AGAP1: variants seen among roughly 807,000 people sequenced by gnomAD.
AGAP1 encodes ArfGAP with GTPase domain, ankyrin repeat and PH domain 1.
A neutral mutation model predicts 105.3 loss-of-function variants in AGAP1; 29 were observed. The ratio of observed to expected loss-of-function variants is 0.28; its 90% CI spans 0.21 to 0.38. The LOEUF (loss-of-function observed/expected upper bound fraction) is 0.38, where lower values mean the gene tolerates loss of function less well. AGAP1 is among the 10% of genes least tolerant of loss of function. The pLI, the probability that AGAP1 is intolerant of heterozygous loss-of-function variation, is 1.00. For synonymous variants in AGAP1, 509 were observed against 485.9 expected, an observed-to-expected ratio of 1.05 and a Z score of -0.63; for missense variants, 998 against 1,165.1, an observed-to-expected ratio of 0.86 and a Z score of 2.09.
chr2:235,830,594 G>T lies in AGAP1; in HGVS notation c.1050+23263G>T, dbSNP rs1439772596. On this transcript the variant is annotated intron_variant, in intron 9 of 17. Coordinates refer to ENST00000304032, the MANE Select transcript of AGAP1 (RefSeq NM_001037131.3). This position sits in a 1 kb window ranked among gnomAD's most constrained non-coding sequence, Gnocchi z 5.5. ...GCACTCTTTGTGAGATACTTTGGGGGCTCAGGGGGCTTGGAGTTTATTTGT... is the reference window on the plus strand; with the variant it reads ...GCACTCTTTGTGAGATACTTTGGGGTCTCAGGGGGCTTGGAGTTTATTTGT... 6.6e-6 allele frequency among the ~76,000 whole-genome samples: 1 copy of T among 150,440 alleles called. No individual in the cohort carries two copies. The highest frequency in any genetic ancestry group is 2.5e-5 in the African/African-American group (1 of 40,774).
Position 235,689,729 on chromosome 2 carries a change from G to A in AGAP1, c.164-19450G>A, listed in dbSNP as rs565786795. Among the ~76,000 whole-genome samples, 4 of 152,326 alleles carry A rather than the reference G, an allele frequency of 2.6e-5. No individual in the cohort carries two copies. Among genetic ancestry groups the A allele is most frequent in the Admixed American group, 2.6e-4 (4 of 15,304 alleles). ...CACTTTTCAGGACAGTCATAGAGCT[G>A]CACTGTTGGTAAACTGTCCTGCATG... is the stretch of plus-strand genomic sequence containing the variant. On this transcript the variant is annotated intron_variant, in intron 1 of 17. Transcript: ENST00000304032. The surrounding 1 kb of genome is among the most constrained non-coding windows in gnomAD (Gnocchi z 4.2).
At chr2:235,870,640 A>T (rs533204886) in intron 9 of AGAP1, among the ~76,000 whole-genome samples, 2 of 152,130 alleles carry the variant, frequency 1.3e-5, no homozygotes, top group East Asian at 3.9e-4. Flanking sequence ...AAAAAAAAAA[A>T]TGATGGAGAG....
At chr2:236,106,433 T>G (rs996036492) in intron 16 of AGAP1, among the ~76,000 whole-genome samples, 1 of 152,226 alleles carries the variant, frequency 6.6e-6, no homozygotes, top group Non-Finnish European at 1.5e-5. Flanking sequence ...GGCGGGCACC[T>G]GTGTGCCACC....
intron 1 of AGAP1, among the ~76,000 whole-genome samples, chr2:235,698,943 G>T (rs1950126168): frequency 6.6e-6 from 1 of 152,200 alleles, no homozygotes; most frequent in African/African-American, 2.4e-5. Context: ...TTTTTAGCAA[G>T]CTCCTGAAGG....
rs115869782 is a variant in AGAP1, at chr2:235,959,041, C to T, written c.1484-9421C>T. 8.8e-3 allele frequency among the ~76,000 whole-genome samples: 1,347 copies of T among 152,290 alleles called. 22 individuals are homozygous for T. Among genetic ancestry groups the T allele is most frequent in the African/African-American group, 0.031 (1,268 of 41,560 alleles). ...GTGCCGGCCCATCCCGGCTCAGCGC[C>T]GCGCAGCTCGGGACCCCAGTCCCTC... On this transcript the variant is annotated intron_variant, in intron 12 of 17. Coordinates refer to ENST00000304032, the MANE Select transcript of AGAP1 (RefSeq NM_001037131.3). The surrounding 1 kb of genome is among the most constrained non-coding windows in gnomAD (Gnocchi z 7.3).
rs1464331473 is a variant in AGAP1, at chr2:236,002,784, G to T, written c.1646-33777G>T. Reference sequence around the variant, plus strand: ...GTTTCAGAAGTCCAATTCATTATTAGATTTCTATAAATATAAATATTTATA... The same window carrying T: ...GTTTCAGAAGTCCAATTCATTATTATATTTCTATAAATATAAATATTTATA... On this transcript the variant is annotated intron_variant, in intron 13 of 17. Coordinates refer to ENST00000304032, the MANE Select transcript of AGAP1 (RefSeq NM_001037131.3). The surrounding 1 kb of genome is among the most constrained non-coding windows in gnomAD (Gnocchi z 4.3). Among the ~76,000 whole-genome samples the T allele has an allele frequency of 6.6e-6, 1 of 152,080 alleles. No homozygotes were observed. The highest frequency in any genetic ancestry group is 2.4e-5 in the African/African-American group (1 of 41,414).
intron 2 of AGAP1, among the ~76,000 whole-genome samples, chr2:235,717,029 C>T (rs1175030007): frequency 2.0e-5 from 3 of 152,064 alleles, no homozygotes; most frequent in Non-Finnish European, 4.4e-5. Context: ...CCTGTGTGGC[C>T]GGCCCCTGCC....
rs1365483775 is a variant in AGAP1 at position 235,799,797 on chromosome 2, A to G, written c.957+275A>G. On this transcript the variant is annotated intron_variant, in intron 8 of 17. Transcript: ENST00000304032. The surrounding 1 kb of genome is among the most constrained non-coding windows in gnomAD (Gnocchi z 5.0). The stretch of plus-strand genomic sequence containing the variant: ...AAGGCACTTGTTATCCTGTGGCTCC[A>G]GCTAAAGATGTGTCACAGTGGATAC... Among the ~76,000 whole-genome samples the G allele has an allele frequency of 5.9e-5, 9 of 152,224 alleles. No homozygotes were observed. The highest frequency in any genetic ancestry group is 1.2e-4 in the Non-Finnish European group (8 of 68,042).
At position 235,799,515 on chromosome 2, in the gene AGAP1, T is replaced by C. The variant is rs1287106476; in HGVS notation, c.950T>C (p.Leu317Pro). The C allele has an allele frequency of 3.1e-6, 5 of 1,613,950 alleles. No individual in the cohort carries two copies. The highest frequency in any genetic ancestry group is 4.2e-6 in the Non-Finnish European group (5 of 1,179,838). Residue 317 changes from leucine (L) to proline (P), a missense_variant, in exon 8 of 18, where the codon CTG (leucine) becomes CCG (proline). Coordinates refer to ENST00000304032, the MANE Select transcript of AGAP1 (RefSeq NM_001037131.3). This position sits in a 1 kb window ranked among gnomAD's most constrained non-coding sequence, Gnocchi z 5.0. Reference sequence around the variant, plus strand: ...AAGCAGTCTAAGCGCCGGTCCAACCTGTTCACCGTGAGTGTCAACCCTGGG... The same window carrying C: ...AAGCAGTCTAAGCGCCGGTCCAACCCGTTCACCGTGAGTGTCAACCCTGGG... ...VRKQSKRRSN[L>P]FTSRKGSDPD... is the part of the protein sequence containing the mutation.
At chr2:235,907,434 C>T (rs1356239178) in intron 10 of AGAP1, among the ~76,000 whole-genome samples, 1 of 152,134 alleles carries the variant, frequency 6.6e-6, no homozygotes, top group Non-Finnish European at 1.5e-5. Flanking sequence ...AGCAAGACCT[C>T]ATCTCTAAAA....
At chr2:235,630,430 C>T (rs1196580599) in intron 1 of AGAP1, among the ~76,000 whole-genome samples, 1 of 152,140 alleles carries the variant, frequency 6.6e-6, no homozygotes, top group Admixed American at 6.5e-5. Context: ...AGGCTGGTCT[C>T]GAACTCCTGA....
In AGAP1 at chr2:235,964,677, T is replaced by TC. The variant is rs1180901978; in HGVS notation, c.1484-3783dup. Among the ~76,000 whole-genome samples, 4 of 152,206 alleles carry TC rather than the reference T, an allele frequency of 2.6e-5. No individual in the cohort carries two copies. The highest frequency in any genetic ancestry group is 5.9e-5 in the Non-Finnish European group (4 of 68,044). On this transcript the variant is annotated intron_variant, in intron 12 of 17. Coordinates refer to ENST00000304032, the MANE Select transcript of AGAP1 (RefSeq NM_001037131.3). This position sits in a 1 kb window ranked among gnomAD's most constrained non-coding sequence, Gnocchi z 4.6. ...AATTAATTAGGCTCGCCCTTTTTTT[T>TC]CCAAGATATCTATAGCTTTTATCTG...
chr2:235,961,752 C>T lies in AGAP1; in HGVS notation c.1484-6710C>T, dbSNP rs1286882418. Among the ~76,000 whole-genome samples the T allele has an allele frequency of 3.9e-5, 6 of 152,144 alleles. No homozygotes were observed. Among genetic ancestry groups the T allele is most frequent in the South Asian group, 2.1e-4 (1 of 4,834 alleles). Reference sequence around the variant, plus strand: ...TTGAAACCCGTCTCTACTAAAAATACGAAAATTAGCTGGGCGTGGTGCAGG... The same window carrying T: ...TTGAAACCCGTCTCTACTAAAAATATGAAAATTAGCTGGGCGTGGTGCAGG... On this transcript the variant is annotated intron_variant, in intron 12 of 17. Transcript: ENST00000304032. This position sits in a 1 kb window ranked among gnomAD's most constrained non-coding sequence, Gnocchi z 5.9.
intron 1 of AGAP1, among the ~76,000 whole-genome samples, chr2:235,587,110 G>A (rs749534403): frequency 6.6e-6 from 1 of 152,204 alleles, no homozygotes; most frequent in Non-Finnish European, 1.5e-5. Flanking sequence ...CATTTGTATG[G>A]AGAAGGTATT....
intron 1 of AGAP1, among the ~76,000 whole-genome samples, chr2:235,502,824 A>G (rs974034757): frequency 2.0e-5 from 3 of 151,848 alleles, no homozygotes; most frequent in Admixed American, 6.6e-5. Flanking sequence ...TCAGCATTCA[A>G]CAGGCTCTAG....
intron 13 of AGAP1, among the ~76,000 whole-genome samples, chr2:235,999,270 TG>T (rs1239868111): frequency 1.4e-5 from 2 of 139,146 alleles, no homozygotes; most frequent in African/African-American, 5.5e-5. Flanking sequence ...TAGTAGTGAT[TG>T]TGGTGACGAT....
In AGAP1 at chr2:235,752,344, AT is replaced by A. The variant is rs143498710; in HGVS notation, c.673+1862del. Among the ~76,000 whole-genome samples the A allele has an allele frequency of 0.014, 2,136 of 152,142 alleles. 52 individuals are homozygous for A. The highest frequency in any genetic ancestry group is 0.049 in the African/African-American group (2,048 of 41,516). The stretch of plus-strand genomic sequence containing the variant: ...AGGTACACGCTGCCACACCTGGCTA[AT>A]TTTTTGCATTTTAGTAGAGATGGGA... On this transcript the variant is annotated intron_variant, in intron 6 of 17. Transcript: ENST00000304032. The surrounding 1 kb of genome is among the most constrained non-coding windows in gnomAD (Gnocchi z 4.3).
intron 16 of AGAP1, among the ~76,000 whole-genome samples, chr2:236,065,210 C>T (rs374306908): frequency 1.3e-5 from 2 of 152,154 alleles, no homozygotes; most frequent in South Asian, 4.2e-4. Flanking sequence ...CTGACGTTCC[C>T]ACTTGTGGTT....
chr2:235,770,241 T>A (rs935980197), intron 6 of AGAP1, among the ~76,000 whole-genome samples: 10 of 151,948 alleles, frequency 6.6e-5, no homozygotes, highest in Non-Finnish European at 2.9e-5. Flanking sequence ...CATGCCATTC[T>A]CCTGCCTCAG....
Sources: allele counts gnomAD v4.1 joint callset (sites outside exome capture counted in the v4.1 genomes callset), GRCh38; gene constraint gnomAD v4.1.1; non-coding constraint Gnocchi (gnomAD v3.1); transcripts MANE v1.5; gene names NCBI Gene and HGNC (gene_info 2026-07-23, HGNC 2026-07-21).